Variants in CP observed in about 807,000 individuals in gnomAD.
The protein encoded by CP is ceruloplasmin, also known as caeruloplasmin.
In CP, 64 loss-of-function variants were observed where a neutral mutation model predicts 122.4. The ratio of observed to expected loss-of-function variants is 0.52; its 90% CI spans 0.43 to 0.64. The LOEUF (loss-of-function observed/expected upper bound fraction) is 0.64, where lower values mean the gene tolerates loss of function less well. Among genes scored for constraint, CP ranks in the 30% least tolerant of loss-of-function variants. The probability of loss-of-function intolerance (pLI) is 0.00; values close to 1 mark genes in which losing one functional copy is unlikely to be tolerated. For synonymous variants in CP, 440 were observed against 436.4 expected (o/e 1.01, Z -0.10); for missense variants, 1,167 against 1,284.4 (o/e 0.91, Z 1.40).
At chr3:149,210,642 C>A (rs1275583131) in intron 2 of CP, among the ~76,000 whole-genome samples, 1 of 152,030 alleles carries the variant, frequency 6.6e-6, no homozygotes, top group Non-Finnish European at 1.5e-5. Flanking sequence ...ATGTAAAGAA[C>A]TCGGGTCATG....
At chr3:149,162,621 C>T (rs143331107) in exon 6 of CP, 62 of 1,480,076 alleles carry the variant, frequency 4.2e-5, no homozygotes, top group Middle Eastern at 3.7e-4. Context: ...CTGTGATATT[C>T]AGCCCAGCTG....
intron 1 of CP, among the ~76,000 whole-genome samples, chr3:149,213,587 C>T (rs1728256146): frequency 6.6e-6 from 1 of 152,030 alleles, no homozygotes; most frequent in Non-Finnish European, 1.5e-5. Flanking sequence ...AGCCCCTCCA[C>T]AACCAAGGCT....
chr3:149,171,161 C>T (rs1173561327), downstream of CP, among the ~76,000 whole-genome samples: 1 of 152,008 alleles, frequency 6.6e-6, no homozygotes, highest in East Asian at 1.9e-4. Flanking sequence ...ACCTGTAGTC[C>T]CAGCTATTTG....
downstream of CP, chr3:149,168,217 T>G (rs1724623800): frequency 8.4e-6 from 4 of 476,740 alleles, no homozygotes; most frequent in East Asian, 1.5e-4. Flanking sequence ...ACTTAACAAA[T>G]TATCACAGTC....
At chr3:149,183,684 A>T in intron 12 of CP, 79 bp from the exon 13 acceptor site, 1 of 1,030,692 alleles carries the variant, frequency 9.7e-7, no homozygotes, top group Non-Finnish European at 1.4e-6. Context: ...AATTTTGAAT[A>T]AAAATATAGT....
chr3:149,172,318 T>TCA (rs113015797), downstream of CP: 27,598 of 567,808 alleles, frequency 0.049, 257 homozygotes, highest in African/African-American at 0.083. Flanking sequence ...ATTTTATATA[T>TCA]CACACACACA....
At chr3:149,180,393 T>A (rs1725700795) in intron 14 of CP, among the ~76,000 whole-genome samples, 1 of 152,304 alleles carries the variant, frequency 6.6e-6, no homozygotes, top group South Asian at 2.1e-4. Context: ...TCCCATGTGC[T>A]CTAGGCTTTT....
At chr3:149,163,134 A>C (rs1249750548) in intron 5 of CP, among the ~76,000 whole-genome samples, 1 of 152,210 alleles carries the variant, frequency 6.6e-6, no homozygotes, top group Non-Finnish European at 1.5e-5. Flanking sequence ...TCAGTTGCCA[A>C]AGCATGGAGA....
intron 1 of CP, 45 bp downstream of exon 1, chr3:149,221,602 A>G: frequency 6.4e-7 from 1 of 1,566,820 alleles, no homozygotes; most frequent in Non-Finnish European, 8.7e-7. Context: ...TCCTTTAAAA[A>G]TAACTTAAAA....
intron 14 of CP, among the ~76,000 whole-genome samples, chr3:149,181,299 G>A (rs903463331): frequency 6.6e-6 from 1 of 151,940 alleles, no homozygotes. Flanking sequence ...CTGTCTTCGG[G>A]GCCTAGAATC....
intron 1 of CP, among the ~76,000 whole-genome samples, chr3:149,213,634 GT>G (rs1728263130): frequency 5.3e-4 from 2 of 3,772 alleles, no homozygotes; most frequent in Non-Finnish European, 1.7e-3. Context: ...CATCATGGGT[GT>G]GTGTGTGTGT....
intron 4 of CP, 116 bp downstream of exon 4, chr3:149,209,095 G>T: frequency 7.5e-7 from 1 of 1,334,518 alleles, no homozygotes; most frequent in Non-Finnish European, 1.1e-6. Flanking sequence ...AATATGCTTT[G>T]TTATAAGGAC....
chr3:149,206,447 CAGAT>C (rs1256491157), intron 5 of CP, 108 bp from the exon 6 acceptor site: 8 of 1,222,148 alleles, frequency 6.5e-6, no homozygotes, highest in Non-Finnish European at 9.7e-6. Context: ...AAGGAATAGA[CAGAT>C]AGCAACAGTA....
At chr3:149,188,314 G>A (rs1054587550) in intron 9 of CP, 112 bp from the exon 10 acceptor site, 6 of 882,892 alleles carry the variant, frequency 6.8e-6, no homozygotes, top group African/African-American at 1.7e-5. Flanking sequence ...GAGAACAGAA[G>A]TTTCTGTTGC....
rs6799507 is a variant in CP at position 149,188,240 on chromosome 3, A to G, written c.1714-38T>C. The G allele has an allele frequency of 0.032, 49,712 of 1,571,166 alleles. 5,753 individuals carry two copies. In the African/African-American group the frequency reaches 0.39, roughly 12 times the overall value. Reference sequence around the variant, plus strand: ...ACAAAATGAGATGGAGACAGAATGAATAAAGCAGAAGACTTCCATGTGCAC... The same window carrying G: ...ACAAAATGAGATGGAGACAGAATGAGTAAAGCAGAAGACTTCCATGTGCAC... On this transcript the variant is annotated intron_variant, in intron 9 of 18. Coordinates refer to ENST00000264613, the MANE Select transcript of CP (RefSeq NM_000096.4).
At chr3:149,182,759 A>G (rs1559938389) in intron 13 of CP, among the ~76,000 whole-genome samples, 1 of 152,224 alleles carries the variant, frequency 6.6e-6, no homozygotes, top group Non-Finnish European at 1.5e-5. Context: ...TTCCTTTTGT[A>G]TATTTCTTCT....
chr3:149,209,323 C>T lies in CP; in HGVS notation c.669G>A (p.Val223=). The change falls in exon 4 of 19, where the codon GTG becomes GTA. Residue 223 remains valine (V), a synonymous_variant. Transcript: ENST00000264613. ...IDREFVVMFS[V]VDENFSWYLE... ...GGTACCAGCTGAAATTTTCATCCAC[C>T]ACAGAAAACATCACCACAAATTCTC... 6.2e-7 allele frequency: 1 copy of T among 1,613,756 alleles called. No individual in the cohort carries two copies. Among genetic ancestry groups the T allele is most frequent in the Non-Finnish European group, 8.5e-7 (1 of 1,179,778 alleles).
chr3:149,203,052 G>A (rs1339712791), intron 6 of CP, among the ~76,000 whole-genome samples: 3 of 148,444 alleles, frequency 2.0e-5, no homozygotes, highest in East Asian at 2.0e-4. Flanking sequence ...GACTACAGGC[G>A]CCCGCCACAA....
At chr3:149,162,689 G>T in exon 6 of CP, 1 of 1,613,862 alleles carries the variant, frequency 6.2e-7, no homozygotes. Flanking sequence ...CTGTTTTTAA[G>T]GTGCTTTGTG....
Sources: allele counts gnomAD v4.1 joint callset (sites outside exome capture counted in the v4.1 genomes callset), GRCh38; gene constraint gnomAD v4.1.1; transcripts MANE v1.5; gene names NCBI Gene and HGNC (gene_info 2026-07-23, HGNC 2026-07-21).